CEP128: variants seen among roughly 807,000 people sequenced by gnomAD.
The protein encoded by CEP128 is centrosomal protein 128kDa.
In CEP128, 132 loss-of-function variants were observed where a neutral mutation model predicts 156.7. That is an observed-to-expected ratio of 0.84 (90% confidence interval 0.73 to 0.97). CEP128 has a LOEUF of 0.97. CEP128 is among the 50% of genes least tolerant of loss of function. The pLI is 0.00. For synonymous variants in CEP128, 469 were observed against 448.9 expected (o/e 1.04, Z -0.57); for missense variants, 1,252 against 1,281.9 (o/e 0.98, Z 0.36).
At chr14:80,932,713 T>C (rs540792177) in intron 2 of CEP128, among the ~76,000 whole-genome samples, 3 of 152,300 alleles carry the variant, frequency 2.0e-5, no homozygotes, top group Admixed American at 6.5e-5. Flanking sequence ...ATTATTTCTT[T>C]ATATATTACA....
intron 12 of CEP128, 95 bp downstream of exon 12, chr14:80,836,110 A>C: frequency 8.8e-7 from 1 of 1,133,212 alleles, no homozygotes; most frequent in South Asian, 1.4e-5. Flanking sequence ...AGCATCACAA[A>C]GGAATGCAAT....
At chr14:80,695,144 G>C (rs1447953295) in intron 19 of CEP128, among the ~76,000 whole-genome samples, 1 of 151,734 alleles carries the variant, frequency 6.6e-6, no homozygotes, top group East Asian at 1.9e-4. Context: ...GATTGCATTT[G>C]TGCCTATGAA....
intron 16 of CEP128, among the ~76,000 whole-genome samples, chr14:80,764,512 A>T (rs1900141308): frequency 1.3e-5 from 2 of 152,066 alleles, no homozygotes; most frequent in Non-Finnish European, 2.9e-5. Flanking sequence ...TCTCAAAAAA[A>T]AAAAGAAAAA....
rs1888338917 is a variant in CEP128, at chr14:80,513,227, A to G, written c.3073-8207T>C. ...TTCATTTCCCCTTCACATGTGAAGG[A>G]TATTTTTCCTGGATACACTATTCTA... On this transcript the variant is annotated intron_variant, in intron 23 of 24. Coordinates refer to ENST00000555265, the MANE Select transcript of CEP128 (RefSeq NM_152446.5). Among the ~76,000 whole-genome samples, 5 of 152,210 alleles carry G rather than the reference A, an allele frequency of 3.3e-5. 1 individual carries two copies. The South Asian group carries it at 6.2e-4, about 19-fold the overall frequency.
At chr14:80,826,287 A>G (rs1035276759) in intron 13 of CEP128, among the ~76,000 whole-genome samples, 5 of 152,068 alleles carry the variant, frequency 3.3e-5, no homozygotes, top group African/African-American at 1.2e-4. Flanking sequence ...GTTGTGGCCA[A>G]TGTTTGTTTT....
chr14:80,487,568 T>C (rs1038986624), downstream of CEP128, among the ~76,000 whole-genome samples: 9 of 152,158 alleles, frequency 5.9e-5, no homozygotes, highest in Non-Finnish European at 1.3e-4. Context: ...ATCAACAGAA[T>C]ATACATTCTT....
rs1158271112 is a variant in CEP128, at chr14:80,939,525, A to T, written c.-156T>A. The stretch of plus-strand genomic sequence containing the variant: ...GCCGATGATCTTTGGTTGCCCCTAC[A>T]CTTTCCCCAAACCACCTACAAATAA... On this transcript the variant is annotated 5_prime_UTR_variant, in exon 2 of 25. Coordinates refer to ENST00000555265, the MANE Select transcript of CEP128 (RefSeq NM_152446.5). The T allele has an allele frequency of 6.6e-6, 1 of 152,214 alleles. No individual in the cohort carries two copies. The highest frequency in any genetic ancestry group is 1.5e-5 in the Non-Finnish European group (1 of 68,040). The allele number at this position is 152,214 out of a possible 1,614,324, so 9.4% of individuals were successfully genotyped here.
chr14:80,610,904 G>T (rs750716118), intron 19 of CEP128, among the ~76,000 whole-genome samples: 3 of 151,960 alleles, frequency 2.0e-5, no homozygotes, highest in Non-Finnish European at 4.4e-5. Flanking sequence ...TCCAAGAAAT[G>T]GTAAGTAAAA....
intron 2 of CEP128, among the ~76,000 whole-genome samples, chr14:80,917,759 A>G (rs1308416466): frequency 6.6e-6 from 1 of 152,254 alleles, no homozygotes; most frequent in Non-Finnish European, 1.5e-5. Context: ...TTAAGGAGAC[A>G]ATAAAGAGAA....
chr14:80,803,548 A>G (rs569473993), intron 13 of CEP128, among the ~76,000 whole-genome samples: 1 of 152,292 alleles, frequency 6.6e-6, no homozygotes, highest in East Asian at 1.9e-4. Flanking sequence ...CTCATGCCAA[A>G]GTATGCCTAG....
intron 19 of CEP128, among the ~76,000 whole-genome samples, chr14:80,712,814 G>A (rs977294920): frequency 2.0e-5 from 3 of 152,088 alleles, no homozygotes; most frequent in African/African-American, 4.8e-5. Context: ...ATGGTGAAAC[G>A]AGAAATAACC....
intron 4 of CEP128, among the ~76,000 whole-genome samples, chr14:80,911,552 A>G (rs1884216831): frequency 6.6e-6 from 1 of 152,206 alleles, no homozygotes; most frequent in South Asian, 2.1e-4. Flanking sequence ...TATGTGATTC[A>G]GAAGGACCAA....
chr14:80,678,049 A>AAAAAATATATATATATATACATATGTAT, intron 19 of CEP128, among the ~76,000 whole-genome samples: 1 of 98,502 alleles, frequency 1.0e-5, no homozygotes, highest in African/African-American at 3.2e-5. Flanking sequence ...ATAAAAAAAA[A>AAAAAATATATATATATATACATATGTAT]ATATATATAT....
At chr14:80,671,132 GA>G (rs1895824221) in intron 19 of CEP128, among the ~76,000 whole-genome samples, 1 of 152,140 alleles carries the variant, frequency 6.6e-6, no homozygotes, top group Non-Finnish European at 1.5e-5. Context: ...CAGAGATCCA[GA>G]AAGAATGCAG....
At chr14:80,722,366 G>A (rs778771974) in intron 19 of CEP128, among the ~76,000 whole-genome samples, 1 of 152,036 alleles carries the variant, frequency 6.6e-6, no homozygotes, top group Non-Finnish European at 1.5e-5. Flanking sequence ...TCCAGAGACT[G>A]GCTAAATATT....
Position 80,713,698 on chromosome 14 carries a change from T to G in CEP128, c.2806+29377A>C, listed in dbSNP as rs58774363. On this transcript the variant is annotated intron_variant, in intron 19 of 24. Transcript: ENST00000555265. Reference sequence around the variant, plus strand: ...TTTGCACATAGTAGATTGATTGTTGTGTATCCACTTAAAGCATAACTTTTT... The same window carrying G: ...TTTGCACATAGTAGATTGATTGTTGGGTATCCACTTAAAGCATAACTTTTT... Among the ~76,000 whole-genome samples, 586 of 152,332 alleles carry G rather than the reference T, an allele frequency of 3.8e-3. 3 individuals carry two copies. Among genetic ancestry groups the G allele is most frequent in the African/African-American group, 0.013 (561 of 41,574 alleles).
intron 8 of CEP128, chr14:80,894,549 C>A (rs1351298072): frequency 2.0e-5 from 8 of 393,234 alleles, no homozygotes; most frequent in African/African-American, 4.3e-5. Flanking sequence ...GAACTTTATG[C>A]AAAAAAAAAA....
intron 8 of CEP128, among the ~76,000 whole-genome samples, chr14:80,876,260 A>T (rs1019696700): frequency 6.6e-6 from 1 of 152,052 alleles, no homozygotes; most frequent in Non-Finnish European, 1.5e-5. Context: ...ACAAAGAAGA[A>T]AAACCCAAAA....
At chr14:80,789,125 C>T (rs191528926) in intron 14 of CEP128, among the ~76,000 whole-genome samples, 6 of 151,854 alleles carry the variant, frequency 4.0e-5, no homozygotes, top group Admixed American at 2.6e-4. Flanking sequence ...GATTAGAAAT[C>T]GGTAAAATAT....
Sources: allele counts gnomAD v4.1 joint callset (sites outside exome capture counted in the v4.1 genomes callset), GRCh38; gene constraint gnomAD v4.1.1; transcripts MANE v1.5; gene names NCBI Gene and HGNC (gene_info 2026-07-23, HGNC 2026-07-21).